PIK3CD: variants seen among roughly 807,000 people sequenced by gnomAD.
PIK3CD encodes the protein phosphatidylinositol 4,5-bisphosphate 3-kinase catalytic subunit delta isoform.
A neutral mutation model predicts 122.9 loss-of-function variants in PIK3CD; 20 were observed. That is an observed-to-expected ratio of 0.16 (90% confidence interval 0.11 to 0.24). The LOEUF (loss-of-function observed/expected upper bound fraction) is 0.24. Ranked by LOEUF, PIK3CD falls within the 10% of genes least tolerant of loss-of-function variation. PIK3CD has a pLI of 1.00. For synonymous variants in PIK3CD, 596 were observed against 593.4 expected, an observed-to-expected ratio of 1.00 and a Z score of -0.06; for missense variants, 787 against 1,406.3, an observed-to-expected ratio of 0.56 and a Z score of 7.04.
At chr1:9,702,807 CA>C (rs1361943217) in intron 2 of PIK3CD, among the ~76,000 whole-genome samples, 9 of 152,050 alleles carry the variant, frequency 5.9e-5, no homozygotes, top group African/African-American at 1.7e-4. Context: ...AGGCATGAGC[CA>C]CCGTGCCCGG....
Position 9,722,665 on chromosome 1 carries a change from C to A in PIK3CD, c.2426+59C>A. The A allele has an allele frequency of 7.1e-7, 1 of 1,401,778 alleles. No homozygotes were observed. The highest frequency in any genetic ancestry group is 1.0e-6 in the Non-Finnish European group (1 of 988,130). The allele number at this position is 1,401,778 out of a possible 1,614,324, so 86.8% of individuals were successfully genotyped here. ...TCTGTGCCCAGCCTGGGAGTCTGTG[C>A]CCCTGGAGGGGTCCTTGTTGAAGGT... On this transcript the variant is annotated intron_variant, in intron 19 of 23. Coordinates refer to ENST00000377346, the MANE Select transcript of PIK3CD (RefSeq NM_005026.5). This position sits in a 1 kb window ranked among gnomAD's most constrained non-coding sequence, Gnocchi z 7.6.
intron 2 of PIK3CD, among the ~76,000 whole-genome samples, chr1:9,703,013 AT>A (rs1304953213): frequency 6.6e-6 from 1 of 152,190 alleles, no homozygotes; most frequent in African/African-American, 2.4e-5. Context: ...GATCCAGGGA[AT>A]CAAAGTTCGT....
chr1:9,720,548 C>T lies in PIK3CD; in HGVS notation c.1471-63C>T. 1 of 1,547,580 alleles carries T rather than the reference C, an allele frequency of 6.5e-7. No individual in the cohort carries two copies. The highest frequency in any genetic ancestry group is 8.7e-7 in the Non-Finnish European group (1 of 1,145,208). On this transcript the variant is annotated intron_variant, in intron 11 of 23. Coordinates refer to ENST00000377346, the MANE Select transcript of PIK3CD (RefSeq NM_005026.5). This position sits in a 1 kb window ranked among gnomAD's most constrained non-coding sequence, Gnocchi z 9.0. Reference sequence around the variant, plus strand: ...GATGATTGGGGTGGCAATGCCCGGCCTGGGGGTCCTGCCCGGGCTGGTCCA... The same window carrying T: ...GATGATTGGGGTGGCAATGCCCGGCTTGGGGGTCCTGCCCGGGCTGGTCCA...
At chr1:9,702,193 C>T (rs2100646617) in intron 2 of PIK3CD, among the ~76,000 whole-genome samples, 1 of 152,042 alleles carries the variant, frequency 6.6e-6, no homozygotes, top group East Asian at 1.9e-4. Flanking sequence ...CGGGGTTTCA[C>T]CATGTTGGCC....
chr1:9,661,734 C>A (rs547939346), intron 1 of PIK3CD, among the ~76,000 whole-genome samples: 140 of 152,262 alleles, frequency 9.2e-4, no homozygotes, highest in Non-Finnish European at 1.2e-3. Context: ...CGGTGGCTCA[C>A]GCCTGTAATC....
At chr1:9,631,683 G>A in the PIK3CD span, among the ~76,000 whole-genome samples, 1 of 152,182 alleles carries the variant, frequency 6.6e-6, no homozygotes, top group Admixed American at 6.5e-5. Context: ...AAAAAGGGAG[G>A]GGGGCAGGTC....
In PIK3CD at chr1:9,652,117, A is replaced by C. The variant is rs78021484; in HGVS notation, c.-138+315A>C. On this transcript the variant is annotated intron_variant, in intron 1 of 23. Transcript: ENST00000377346. This position sits in a 1 kb window ranked among gnomAD's most constrained non-coding sequence, Gnocchi z 6.2. Reference sequence around the variant, plus strand: ...GCGCGCCTTGCCCGCCTGGCCCGGCAGCGGGGTTTCAGCTGCGCTCACAGC... The same window carrying C: ...GCGCGCCTTGCCCGCCTGGCCCGGCCGCGGGGTTTCAGCTGCGCTCACAGC... Among the ~76,000 whole-genome samples, 55 of 151,912 alleles carry C rather than the reference A, an allele frequency of 3.6e-4. No homozygotes were observed. The highest frequency in any genetic ancestry group is 1.2e-3 in the African/African-American group (51 of 41,472).
At position 9,718,494 on chromosome 1, in the gene PIK3CD, G is replaced by C. The variant is rs901992332; in HGVS notation, c.1021-200G>C. On this transcript the variant is annotated intron_variant, in intron 8 of 23. Coordinates refer to ENST00000377346, the MANE Select transcript of PIK3CD (RefSeq NM_005026.5). The surrounding 1 kb of genome is among the most constrained non-coding windows in gnomAD (Gnocchi z 7.2). ...GGGGTAGCTGAGACAGGGCACCCAT[G>C]CACAGCCCGTGGTACCCTCCCTCAC... 5.9e-5 allele frequency among the ~76,000 whole-genome samples: 9 copies of C among 152,198 alleles called. No homozygotes were observed. The highest frequency in any genetic ancestry group is 1.9e-4 in the African/African-American group (8 of 41,532).
At chr1:9,687,458 T>A (rs1646008475) in intron 1 of PIK3CD, 1 of 152,166 alleles carries the variant, frequency 6.6e-6, no homozygotes, top group Non-Finnish European at 1.5e-5. Flanking sequence ...GGGTCCGGTG[T>A]GGCCTGCAGG....
At chr1:9,698,609 C>G (rs1462374095) in intron 2 of PIK3CD, among the ~76,000 whole-genome samples, 1 of 152,222 alleles carries the variant, frequency 6.6e-6, no homozygotes. Context: ...ATTTCCTTAT[C>G]ACTTTCACAA....
chr1:9,705,606 A>C (rs1473988643), intron 2 of PIK3CD, among the ~76,000 whole-genome samples: 1 of 152,216 alleles, frequency 6.6e-6, no homozygotes. Flanking sequence ...CGCTCATTCA[A>C]CCAACAAAGG....
rs1447266729 is a variant in PIK3CD at position 9,690,193 on chromosome 1, G to A, written c.-137-1274G>A. Among the ~76,000 whole-genome samples the A allele has an allele frequency of 3.3e-5, 5 of 152,276 alleles. No homozygotes were observed. The East Asian group carries it at 7.7e-4, about 24-fold the overall frequency. On this transcript the variant is annotated intron_variant, in intron 1 of 23. Coordinates refer to ENST00000377346, the MANE Select transcript of PIK3CD (RefSeq NM_005026.5). ...CCGAGCTGTGCCCTTGAGCCCAAGGGGGCTAGAGGGTGGCAGACCCAGATC... is the reference window on the plus strand; with the variant it reads ...CCGAGCTGTGCCCTTGAGCCCAAGGAGGCTAGAGGGTGGCAGACCCAGATC...
At chr1:9,633,103 C>T in the PIK3CD span, among the ~76,000 whole-genome samples, 3,587 of 151,932 alleles carry the variant, frequency 0.024, 115 homozygotes, top group South Asian at 0.093. Context: ...CCTCGTGATC[C>T]GCCCGCCTCG....
Position 9,727,431 on chromosome 1 carries a change from A to C in PIK3CD, c.*385A>C. ...GGCGCCTGGCGGTCACCTGGTGCCTACTGTCCGACAGGATGCCTTGATCCT... is the reference window on the plus strand; with the variant it reads ...GGCGCCTGGCGGTCACCTGGTGCCTCCTGTCCGACAGGATGCCTTGATCCT... On this transcript the variant is annotated 3_prime_UTR_variant, in exon 24 of 24. Transcript: ENST00000377346. The C allele has an allele frequency of 2.4e-6, 1 of 408,634 alleles. No individual in the cohort carries two copies. Among genetic ancestry groups the C allele is most frequent in the Non-Finnish European group, 4.6e-6 (1 of 215,894 alleles). 25.3% of individuals were successfully genotyped at this position (408,634 alleles called of 1,614,324 possible).
In PIK3CD at chr1:9,718,065, T is replaced by C; in HGVS notation, c.1020+439T>C. The C allele has an allele frequency of 2.1e-6, 1 of 473,252 alleles. No individual in the cohort carries two copies. Among genetic ancestry groups the C allele is most frequent in the Non-Finnish European group, 4.2e-6 (1 of 238,610 alleles). 29.3% of individuals were successfully genotyped at this position (473,252 alleles called of 1,614,324 possible). ...CTAGGGGCTGAGCCCACCTCCCTGT[T>C]GTCTCTTAACACTTTCACACGCTCC... is the stretch of plus-strand genomic sequence containing the variant. On this transcript the variant is annotated intron_variant, in intron 8 of 23. Coordinates refer to ENST00000377346, the MANE Select transcript of PIK3CD (RefSeq NM_005026.5). This position sits in a 1 kb window ranked among gnomAD's most constrained non-coding sequence, Gnocchi z 7.2.
intron 1 of PIK3CD, among the ~76,000 whole-genome samples, chr1:9,676,896 G>A (rs1234056525): frequency 6.6e-6 from 1 of 152,222 alleles, no homozygotes; most frequent in Non-Finnish European, 1.5e-5. Context: ...CGATCCCAGA[G>A]GCTCCAGGGG....
the PIK3CD span, among the ~76,000 whole-genome samples, chr1:9,640,377 C>T: frequency 2.0e-5 from 3 of 151,836 alleles, no homozygotes; most frequent in Admixed American, 1.3e-4. Context: ...GTCAGGAGTT[C>T]AAGACCAGCC....
chr1:9,648,082 G>T (rs981674848), upstream of PIK3CD, among the ~76,000 whole-genome samples: 4 of 152,218 alleles, frequency 2.6e-5, no homozygotes, highest in Non-Finnish European at 5.9e-5. Flanking sequence ...CAGGGGTCTT[G>T]TCCCAATCAA....
rs780188245 is a variant in PIK3CD at position 9,721,153 on chromosome 1, G to A, written c.1716G>A (p.Pro572=). ...TGCTCTACCTGCTGTGCTCCTGGCC[G>A]GAGCTGCCCGTCCTGAGCGCCCTGG... ...AQMLYLLCSW[P]ELPVLSALEL... Residue 572 remains proline, a synonymous_variant, in exon 14 of 24, where the codon CCG becomes CCA. Transcript: ENST00000377346. 34 of 1,612,530 alleles carry A rather than the reference G, an allele frequency of 2.1e-5. No individual in the cohort carries two copies. Among genetic ancestry groups the A allele is most frequent in the Middle Eastern group, 1.6e-4 (1 of 6,084 alleles).
Sources: gnomAD v4.1 joint callset for allele counts (sites outside exome capture counted in the v4.1 genomes callset) on GRCh38, gnomAD v4.1.1 for gene constraint, Gnocchi (gnomAD v3.1) non-coding constraint, MANE v1.5 for transcripts, NCBI Gene and HGNC (gene_info 2026-07-23, HGNC 2026-07-21) for gene names.